Variants in TBCA observed in about 807,000 individuals in gnomAD.
The protein encoded by TBCA is tubulin folding cofactor A, also known as tubulin-specific chaperone A.
A neutral mutation model predicts 15.8 loss-of-function variants in TBCA; 6 were observed. That is an observed-to-expected ratio of 0.38 (90% CI 0.21 to 0.75). The LOEUF (loss-of-function observed/expected upper bound fraction) is 0.75, where lower values mean the gene tolerates loss of function less well. Ranked by LOEUF, TBCA falls within the 30% of genes least tolerant of loss-of-function variation. The pLI is 0.46. For synonymous variants in TBCA, 32 were observed against 42.3 expected (o/e 0.76, Z 0.94); for missense variants, 90 against 131.2 (o/e 0.69, Z 1.53).
In TBCA at chr5:77,691,466, T is replaced by C. The variant is rs568916202; in HGVS notation, c.279A>G (p.Glu93=). 3.1e-6 allele frequency: 5 copies of C among 1,596,016 alleles called. No homozygotes were observed. Among genetic ancestry groups the C allele is most frequent in the South Asian group, 1.2e-5 (1 of 86,360 alleles). ...CCAGTACTAAACGTGCTTCTTTATA[T>C]TCCTCAGCTTCTTCCAAGTCTTTTT... ...ENEKDLEEAE[E]YKEARLVLDS... is the part of the protein sequence containing the mutation. Residue 93 remains glutamate, a synonymous_variant, in exon 4 of 4, where the codon GAA becomes GAG. Transcript: ENST00000380377.
chr5:77,722,372 G>A (rs2112457401), intron 1 of TBCA, among the ~76,000 whole-genome samples: 1 of 152,096 alleles, frequency 6.6e-6, no homozygotes, highest in East Asian at 1.9e-4. Context: ...GGTAACAACT[G>A]CTTTCTTTTA....
intron 1 of TBCA, among the ~76,000 whole-genome samples, chr5:77,756,964 TAA>T (rs1747490503): frequency 6.6e-6 from 1 of 152,054 alleles, no homozygotes; most frequent in African/African-American, 2.4e-5. Flanking sequence ...GCAAAAGGGG[TAA>T]GGAGCAATAG....
chr5:77,746,503 C>G (rs1194679048), intron 1 of TBCA, among the ~76,000 whole-genome samples: 1 of 152,146 alleles, frequency 6.6e-6, no homozygotes, highest in Non-Finnish European at 1.5e-5. Context: ...AACTGCAATG[C>G]CCCAATACTA....
intron 1 of TBCA, among the ~76,000 whole-genome samples, chr5:77,721,346 C>A (rs1746524227): frequency 6.6e-6 from 1 of 151,906 alleles, no homozygotes; most frequent in Admixed American, 6.6e-5. Flanking sequence ...GTTTATGCAG[C>A]GTATTGAACT....
At chr5:77,722,927 A>C (rs56182368) in intron 1 of TBCA, among the ~76,000 whole-genome samples, 2 of 151,610 alleles carry the variant, frequency 1.3e-5, no homozygotes, top group Non-Finnish European at 3.0e-5. Context: ...ATATCTCTCT[A>C]TGATAGTATA....
At chr5:77,695,637 A>AC (rs1745855860) in intron 2 of TBCA, among the ~76,000 whole-genome samples, 1 of 152,196 alleles carries the variant, frequency 6.6e-6, no homozygotes, top group African/African-American at 2.4e-5. Context: ...ATGTAAAGAT[A>AC]CCCCCCAAAA....
At chr5:77,727,152 G>A (rs1439059341) in intron 1 of TBCA, among the ~76,000 whole-genome samples, 3 of 147,658 alleles carry the variant, frequency 2.0e-5, no homozygotes, top group South Asian at 4.2e-4. Context: ...CACAAGAATC[G>A]CTTGAACCCA....
chr5:77,702,838 A>G (rs1351278835), intron 2 of TBCA, among the ~76,000 whole-genome samples: 1 of 152,250 alleles, frequency 6.6e-6, no homozygotes, highest in Non-Finnish European at 1.5e-5. Context: ...ATAAGCCTGC[A>G]TATAGGTACC....
At chr5:77,693,473 G>A in intron 2 of TBCA, 121 bp from the exon 3 acceptor site, 1 of 1,142,790 alleles carries the variant, frequency 8.8e-7, no homozygotes, top group Non-Finnish European at 1.2e-6. Flanking sequence ...TATGTTAAAT[G>A]GTTCAATATT....
chr5:77,706,127 T>C lies in TBCA; in HGVS notation c.159+2115A>G, dbSNP rs77311279. 3.4e-3 allele frequency among the ~76,000 whole-genome samples: 522 copies of C among 152,334 alleles called. 4 individuals carry two copies. Among genetic ancestry groups the C allele is most frequent in the African/African-American group, 0.011 (472 of 41,578 alleles). The stretch of plus-strand genomic sequence containing the variant: ...AATTCTATTTTAAATGATTGATTAA[T>C]TTTGCTGAATAAAGCCTGAGTTAAG... On this transcript the variant is annotated intron_variant, in intron 2 of 3. Transcript: ENST00000380377.
At chr5:77,732,085 T>C (rs374279060) in intron 1 of TBCA, among the ~76,000 whole-genome samples, 1 of 152,128 alleles carries the variant, frequency 6.6e-6, no homozygotes, top group Admixed American at 6.5e-5. Context: ...AAAAAATGTA[T>C]TAAGGGTATG....
In TBCA at chr5:77,711,071, T is replaced by C. The variant is rs868616627; in HGVS notation, c.54-2724A>G. 1.8e-4 allele frequency among the ~76,000 whole-genome samples: 28 copies of C among 152,178 alleles called. 1 individual carries two copies. Among genetic ancestry groups the C allele is most frequent in the African/African-American group, 6.5e-4 (27 of 41,440 alleles). On this transcript the variant is annotated intron_variant, in intron 1 of 3. Coordinates refer to ENST00000380377, the MANE Select transcript of TBCA (RefSeq NM_004607.3). ...ACTATGGCCAGGGAGCCAAATCTGG[T>C]TGGTCATCTGTTTTTGTATAGTCTC...
At chr5:77,776,102 C>G (rs566418794) in intron 1 of TBCA, 103 bp downstream of exon 1, 1 of 1,442,000 alleles carries the variant, frequency 6.9e-7, no homozygotes, top group African/African-American at 1.4e-5. Flanking sequence ...GCCTGGAGTT[C>G]GGAGCCCGCC....
At chr5:77,693,532 C>G in intron 2 of TBCA, 180 bp from the exon 3 acceptor site, 1 of 759,818 alleles carries the variant, frequency 1.3e-6, no homozygotes, top group South Asian at 1.7e-5. Context: ...GGCACAGTGG[C>G]TCACGCCTGT....
At chr5:77,694,497 A>G (rs1745829557) in intron 2 of TBCA, among the ~76,000 whole-genome samples, 1 of 152,228 alleles carries the variant, frequency 6.6e-6, no homozygotes, top group African/African-American at 2.4e-5. Context: ...AACCCAATTG[A>G]TAAGAGTAAA....
chr5:77,727,923 T>C (rs553302849), intron 1 of TBCA, among the ~76,000 whole-genome samples: 1 of 152,020 alleles, frequency 6.6e-6, no homozygotes, highest in African/African-American at 2.4e-5. Flanking sequence ...AAGCTAAGAG[T>C]GAAGGCAGGT....
At chr5:77,712,668 T>C (rs1418097337) in intron 1 of TBCA, among the ~76,000 whole-genome samples, 2 of 152,156 alleles carry the variant, frequency 1.3e-5, no homozygotes, top group African/African-American at 4.8e-5. Context: ...AAAAGAACAT[T>C]GTTTATTGTT....
At chr5:77,736,064 G>A (rs180994431) in intron 1 of TBCA, among the ~76,000 whole-genome samples, 2 of 152,250 alleles carry the variant, frequency 1.3e-5, no homozygotes, top group African/African-American at 4.8e-5. Context: ...GCCGGGTGCG[G>A]TGGCTCACGC....
chr5:77,727,555 C>T (rs879694543), intron 1 of TBCA, among the ~76,000 whole-genome samples: 1 of 151,988 alleles, frequency 6.6e-6, no homozygotes, highest in Non-Finnish European at 1.5e-5. Context: ...GTATTATCAG[C>T]CTAAATCTAT....
Sources: gnomAD v4.1 joint callset for allele counts (sites outside exome capture counted in the v4.1 genomes callset) on GRCh38, gnomAD v4.1.1 for gene constraint, MANE v1.5 for transcripts, NCBI Gene and HGNC (gene_info 2026-07-23, HGNC 2026-07-21) for gene names.